The following NIM1K variants were observed in gnomAD, a reference collection of about 807,000 sequenced individuals.
NIM1K encodes the protein serine/threonine-protein kinase NIM1.
Under a neutral mutation model 37.1 loss-of-function variants are expected in NIM1K, and 35 were observed. The ratio of observed to expected loss-of-function variants is 0.94; its 90% CI spans 0.72 to 1.25. The LOEUF (loss-of-function observed/expected upper bound fraction) is 1.25. Ranked by LOEUF, NIM1K falls within the 50% of genes most tolerant of loss-of-function variation. The pLI is 0.00. For missense variants in NIM1K, 564 were observed against 548.0 expected (o/e 1.03, Z -0.29); for synonymous variants, 234 against 206.6 (o/e 1.13, Z -1.14).
At chr5:43,201,028 GGGA>G (rs200655974) in intron 1 of NIM1K, among the ~76,000 whole-genome samples, 2,892 of 151,930 alleles carry the variant, frequency 0.019, 35 homozygotes, top group Non-Finnish European at 0.027. Flanking sequence ...CAGAAGCCAA[GGGA>G]GGAGAATTGC....
chr5:43,257,642 C>T (rs961701857), intron 2 of NIM1K, among the ~76,000 whole-genome samples: 24 of 151,996 alleles, frequency 1.6e-4, no homozygotes, highest in African/African-American at 3.9e-4. Context: ...TGAGCCACTG[C>T]GCCCAGTTTT....
At chr5:43,238,061 G>C (rs1227673539) in intron 1 of NIM1K, among the ~76,000 whole-genome samples, 1 of 27,278 alleles carries the variant, frequency 3.7e-5, no homozygotes, top group African/African-American at 1.7e-4. Flanking sequence ...TTTTTTTTTT[G>C]AGATGGAGTC....
At chr5:43,215,356 T>A (rs184870424) in intron 1 of NIM1K, among the ~76,000 whole-genome samples, 22 of 152,340 alleles carry the variant, frequency 1.4e-4, no homozygotes, top group Admixed American at 1.2e-3. Context: ...TCTTCATCAC[T>A]CATGAAGGAT....
At chr5:43,278,502 T>G (rs1005801836) in intron 3 of NIM1K, among the ~76,000 whole-genome samples, 7 of 152,250 alleles carry the variant, frequency 4.6e-5, no homozygotes, top group African/African-American at 1.7e-4. Flanking sequence ...CTTGCAGGCC[T>G]GAGTATCACT....
chr5:43,272,319 C>A (rs1446735599), intron 2 of NIM1K, among the ~76,000 whole-genome samples: 1 of 151,966 alleles, frequency 6.6e-6, no homozygotes, highest in Non-Finnish European at 1.5e-5. Context: ...CTTCCCTAAC[C>A]CCCAGACCAG....
chr5:43,255,989 A>G (rs776603727), intron 2 of NIM1K, among the ~76,000 whole-genome samples: 14 of 151,964 alleles, frequency 9.2e-5, no homozygotes, highest in Non-Finnish European at 1.9e-4. Flanking sequence ...GGGAAAGGGC[A>G]GAGAGTAACA....
chr5:43,243,474 T>C (rs1752734148), intron 1 of NIM1K, among the ~76,000 whole-genome samples: 1 of 151,452 alleles, frequency 6.6e-6, no homozygotes, highest in Non-Finnish European at 1.5e-5. Context: ...CTCCTGGGGA[T>C]AAAGTCATAG....
chr5:43,225,531 C>A (rs773220940), intron 1 of NIM1K: 4 of 152,146 alleles, frequency 2.6e-5, no homozygotes, highest in African/African-American at 9.7e-5. Context: ...GAAGGTGGGA[C>A]CTTCTTCTGA....
At chr5:43,260,581 C>CAT (rs1383099910) in intron 2 of NIM1K, among the ~76,000 whole-genome samples, 25 of 150,570 alleles carry the variant, frequency 1.7e-4, no homozygotes, top group East Asian at 5.8e-4. Context: ...TATTGACTTG[C>CAT]ATATATATAT....
At chr5:43,249,709 G>T (rs1455314828) in intron 2 of NIM1K, among the ~76,000 whole-genome samples, 1 of 152,192 alleles carries the variant, frequency 6.6e-6, no homozygotes, top group Non-Finnish European at 1.5e-5. Context: ...ACAAGGGCAT[G>T]AGGTCAGACC....
chr5:43,210,755 A>C (rs1752191557), intron 1 of NIM1K, among the ~76,000 whole-genome samples: 1 of 152,206 alleles, frequency 6.6e-6, no homozygotes, highest in Non-Finnish European at 1.5e-5. Flanking sequence ...GAAGCAGATT[A>C]ATAGGAGAAA....
intron 1 of NIM1K, among the ~76,000 whole-genome samples, chr5:43,197,251 C>A (rs1254658221): frequency 6.6e-6 from 1 of 152,088 alleles, no homozygotes; most frequent in East Asian, 1.9e-4. Flanking sequence ...ATTTCAGACT[C>A]CAGAGTAGCT....
chr5:43,257,278 C>A (rs940649363), intron 2 of NIM1K, among the ~76,000 whole-genome samples: 2 of 151,660 alleles, frequency 1.3e-5, no homozygotes, highest in African/African-American at 4.9e-5. Context: ...TCATTGGTGA[C>A]CCTGAGGAGG....
intron 1 of NIM1K, among the ~76,000 whole-genome samples, chr5:43,196,910 C>CTATA (rs1409870084): frequency 2.1e-5 from 3 of 145,910 alleles, no homozygotes; most frequent in African/African-American, 7.6e-5. Context: ...GTAGCTGGGG[C>CTATA]TATAGGTGCA....
chr5:43,278,567 G>A (rs191021822), intron 3 of NIM1K, among the ~76,000 whole-genome samples: 59 of 152,240 alleles, frequency 3.9e-4, no homozygotes, highest in African/African-American at 1.3e-3. Flanking sequence ...CCAGTTGAAC[G>A]GATCTGTCAG....
chr5:43,279,225 C>G lies in NIM1K; in HGVS notation c.562-755C>G, dbSNP rs563904073. On this transcript the variant is annotated intron_variant, in intron 3 of 3. Transcript: ENST00000326035. ...AGTTAGCGTCATATATAGTTCTCACCACAGCCTATGGTTATCAGTATCCCA... is the reference window on the plus strand; with the variant it reads ...AGTTAGCGTCATATATAGTTCTCACGACAGCCTATGGTTATCAGTATCCCA... 5.4e-3 allele frequency among the ~76,000 whole-genome samples: 821 copies of G among 152,268 alleles called. 8 individuals are homozygous for G. Among genetic ancestry groups the G allele is most frequent in the African/African-American group, 0.017 (705 of 41,556 alleles).
chr5:43,262,822 T>C (rs1454677228), intron 2 of NIM1K, among the ~76,000 whole-genome samples: 1 of 152,174 alleles, frequency 6.6e-6, no homozygotes, highest in Non-Finnish European at 1.5e-5. Flanking sequence ...CATGAAGGGT[T>C]GTTGAATTTT....
intron 1 of NIM1K, among the ~76,000 whole-genome samples, chr5:43,220,925 T>C (rs1457815836): frequency 6.6e-6 from 1 of 152,140 alleles, no homozygotes; most frequent in Admixed American, 6.5e-5. Context: ...AGGGCGGTCA[T>C]GATAAGTCCC....
chr5:43,202,885 T>C (rs1174329223), intron 1 of NIM1K, among the ~76,000 whole-genome samples: 1 of 152,198 alleles, frequency 6.6e-6, no homozygotes, highest in African/African-American at 2.4e-5. Context: ...TGCAGAGTAG[T>C]AGACCCTAGA....
Sources: gnomAD v4.1 joint callset for allele counts (sites outside exome capture counted in the v4.1 genomes callset) on GRCh38, gnomAD v4.1.1 for gene constraint, MANE v1.5 for transcripts, NCBI Gene and HGNC (gene_info 2026-07-23, HGNC 2026-07-21) for gene names.